HMGXB3: variants seen among roughly 807,000 people sequenced by gnomAD.
HMGXB3 encodes the protein HMG domain-containing protein 3.
Under a neutral mutation model 121.5 loss-of-function variants are expected in HMGXB3, and 45 were observed. The observed-to-expected ratio is 0.37, with a 90% CI of 0.29 to 0.47. The LOEUF (loss-of-function observed/expected upper bound fraction) is 0.47, where lower values mean the gene tolerates loss of function less well. Among genes scored for constraint, HMGXB3 ranks in the 20% least tolerant of loss-of-function variants. The pLI is 0.99. For synonymous variants in HMGXB3, 590 were observed against 624.1 expected, an observed-to-expected ratio of 0.95 and a Z score of 0.81; for missense variants, 1,376 against 1,602.2, an observed-to-expected ratio of 0.86 and a Z score of 2.41.
At chr5:150,049,007 G>T (rs1167004414) in intron 18 of HMGXB3, among the ~76,000 whole-genome samples, 1 of 152,200 alleles carries the variant, frequency 6.6e-6, no homozygotes, top group Non-Finnish European at 1.5e-5. Flanking sequence ...ACAGCTTGTG[G>T]CATTGGCTCT....
In HMGXB3 at chr5:150,051,990, C is replaced by G. The variant is rs1239470800; in HGVS notation, c.3677C>G (p.Thr1226Ser). Residue 1226 changes from threonine (T) to serine (S), a missense_variant, in exon 20 of 20, where the codon ACT (threonine) becomes AGT (serine). This residue lies in a region of HMGXB3 where 260 missense variants were observed against 233.2 expected (regional missense o/e 1.11). Transcript: ENST00000502717. ...CGGCCCATTGCCTTCGACAATGCCA[C>G]TCACTATTACCTCTACAACCGCCTC... ...RQRPIAFDNA[T>S]HYYLYNRLMD... 9.7e-6 allele frequency: 15 copies of G among 1,552,194 alleles called. No homozygotes were observed. Among genetic ancestry groups the G allele is most frequent in the Non-Finnish European group, 1.3e-5 (15 of 1,147,104 alleles).
intron 14 of HMGXB3, among the ~76,000 whole-genome samples, chr5:150,041,238 A>G (rs1756626361): frequency 6.6e-6 from 1 of 152,226 alleles, no homozygotes; most frequent in Non-Finnish European, 1.5e-5. Flanking sequence ...CCTAAGAGTG[A>G]GGACCATCCT....
intron 16 of HMGXB3, among the ~76,000 whole-genome samples, chr5:150,046,887 G>C (rs1354344902): frequency 6.8e-6 from 1 of 147,272 alleles, no homozygotes; most frequent in Non-Finnish European, 1.5e-5. Flanking sequence ...AAGGGCCCAG[G>C]CATCTTTTTT....
chr5:150,001,530 G>A (rs999975096), intron 1 of HMGXB3, among the ~76,000 whole-genome samples: 1 of 152,164 alleles, frequency 6.6e-6, no homozygotes, highest in Non-Finnish European at 1.5e-5. Flanking sequence ...CCTTAACTCT[G>A]TTTTACAGAT....
intron 7 of HMGXB3, among the ~76,000 whole-genome samples, chr5:150,024,938 T>C (rs1419991731): frequency 6.6e-6 from 1 of 152,238 alleles, no homozygotes; most frequent in African/African-American, 2.4e-5. Context: ...CTTGCTGGTA[T>C]AGGCTCTGGG....
intron 13 of HMGXB3, 62 bp downstream of exon 13, chr5:150,037,589 G>A: frequency 1.4e-6 from 2 of 1,384,502 alleles, no homozygotes; most frequent in African/African-American, 1.5e-5. Flanking sequence ...CTGCCTCTAT[G>A]GATGAGACCT....
At chr5:150,018,827 C>T (rs1756017141) in intron 6 of HMGXB3, 130 bp downstream of exon 6, 2 of 842,250 alleles carry the variant, frequency 2.4e-6, no homozygotes, top group East Asian at 5.6e-5. Flanking sequence ...AAATCATTTC[C>T]ATTGTATATA....
intron 19 of HMGXB3, among the ~76,000 whole-genome samples, chr5:150,051,248 G>A (rs749306090): frequency 6.6e-6 from 1 of 152,186 alleles, no homozygotes; most frequent in Non-Finnish European, 1.5e-5. Context: ...GGCCTTTGCT[G>A]AAATAGATGT....
intron 11 of HMGXB3, among the ~76,000 whole-genome samples, chr5:150,033,413 C>T (rs1280482422): frequency 2.0e-5 from 3 of 152,168 alleles, no homozygotes; most frequent in Admixed American, 6.5e-5. Flanking sequence ...AAGGGGAAGG[C>T]ATGCCATACT....
At chr5:150,026,973 G>A in intron 8 of HMGXB3, 47 bp from the exon 9 acceptor site, 1 of 1,543,690 alleles carries the variant, frequency 6.5e-7, no homozygotes, top group Non-Finnish European at 8.8e-7. Context: ...GACTTGGGGA[G>A]ACTCTGAATG....
At position 150,027,038 on chromosome 5, in the gene HMGXB3, G is replaced by T; in HGVS notation, c.1655G>T (p.Arg552Met). 6.4e-7 allele frequency: 1 copy of T among 1,551,726 alleles called. No homozygotes were observed. Among genetic ancestry groups the T allele is most frequent in the Non-Finnish European group, 8.7e-7 (1 of 1,146,992 alleles). Reference protein sequence around the residue: ...FSLSDKTPSVRTCGLKPSTLK... With the variant: ...FSLSDKTPSVMTCGLKPSTLK... ...CTCTCAGATAAGACTCCCTCTGTGA[G>T]GACTTGTGGTCTGAAGCCAAGCACA... is the stretch of plus-strand genomic sequence containing the variant. Residue 552 changes from arginine (R) to methionine (M), a missense_variant, in exon 9 of 20, where the codon AGG (arginine) becomes ATG (methionine). This residue lies in a region of HMGXB3 where 1,116 missense variants were observed against 1,369.0 expected (regional missense o/e 0.82). Transcript: ENST00000502717.
chr5:150,042,046 C>T (rs1756645301), intron 15 of HMGXB3, 77 bp downstream of exon 15: 1 of 1,230,418 alleles, frequency 8.1e-7, no homozygotes, highest in Admixed American at 2.1e-5. Flanking sequence ...ATGATATCCC[C>T]AGGGGGTGGA....
chr5:150,047,724 G>A lies in HMGXB3; in HGVS notation c.3051G>A (p.Gln1017=). The stretch of plus-strand genomic sequence containing the variant: ...AGAAGCTGCAGCACCTGCTAAGGCA[G>A]TGTGGAATCCCCTTTGGGGCAGAAG... The part of the protein sequence containing the change: ...SEEKLQHLLR[Q]CGIPFGAEDS... Residue 1017 remains glutamine, a synonymous_variant, in exon 17 of 20, where the codon CAG becomes CAA. Coordinates refer to ENST00000502717, the MANE Select transcript of HMGXB3 (RefSeq NM_014983.3). The A allele has an allele frequency of 6.4e-7, 1 of 1,551,792 alleles. No homozygotes were observed. The highest frequency in any genetic ancestry group is 8.7e-7 in the Non-Finnish European group (1 of 1,147,008).
intron 15 of HMGXB3, among the ~76,000 whole-genome samples, chr5:150,043,953 T>G (rs201325931): frequency 1.3e-5 from 2 of 152,248 alleles, no homozygotes; most frequent in African/African-American, 4.8e-5. Flanking sequence ...CCACAGCAAG[T>G]TTATGGTTTC....
chr5:150,051,094 A>C (rs216129), intron 19 of HMGXB3, among the ~76,000 whole-genome samples: 1 of 152,098 alleles, frequency 6.6e-6, no homozygotes, highest in African/African-American at 2.4e-5. Flanking sequence ...TAAAAGGGGA[A>C]GCTAAGGCCC....
chr5:150,052,487 G>T lies in HMGXB3; in HGVS notation c.*295G>T, dbSNP rs897458004. ...CTGAGGGAAAGGCTCGTAGCTGGTG[G>T]GTTCCGTGGGGCCTGCGGTGTGGGT... On this transcript the variant is annotated 3_prime_UTR_variant, in exon 20 of 20. Coordinates refer to ENST00000502717, the MANE Select transcript of HMGXB3 (RefSeq NM_014983.3). 5.4e-6 allele frequency: 2 copies of T among 371,752 alleles called. No individual in the cohort carries two copies. The highest frequency in any genetic ancestry group is 5.0e-6 in the Non-Finnish European group (1 of 200,654). 23.0% of individuals were successfully genotyped at this position (371,752 alleles called of 1,614,324 possible).
At chr5:150,048,861 G>C (rs216126) in intron 18 of HMGXB3, among the ~76,000 whole-genome samples, 176 bp downstream of exon 18, 114,110 of 152,046 alleles carry the variant, frequency 0.75, 43,138 homozygotes, top group Non-Finnish European at 0.8. Flanking sequence ...TGGGTCTTCT[G>C]TCAGTATTTT....
intron 2 of HMGXB3, among the ~76,000 whole-genome samples, chr5:150,006,076 CTG>C (rs1352354616): frequency 2.6e-5 from 4 of 152,236 alleles, no homozygotes; most frequent in African/African-American, 9.6e-5. Context: ...TTACTCCTGA[CTG>C]TAATATAGTG....
intron 10 of HMGXB3, 53 bp downstream of exon 10, chr5:150,030,892 G>C: frequency 7.5e-7 from 1 of 1,340,568 alleles, no homozygotes; most frequent in East Asian, 2.5e-5. Flanking sequence ...TTTTGATTTT[G>C]TGGTTGAAGG....
Sources: allele counts gnomAD v4.1 joint callset (sites outside exome capture counted in the v4.1 genomes callset), GRCh38; gene constraint gnomAD v4.1.1; regional missense constraint gnomAD v4.1.1; transcripts MANE v1.5; gene names NCBI Gene and HGNC (gene_info 2026-07-23, HGNC 2026-07-21).